Variants in CYSLTR1 observed in about 807,000 individuals in gnomAD.
The protein encoded by CYSLTR1 is G-protein coupled receptor HG55.
A neutral mutation model predicts 2.1 loss-of-function variants in CYSLTR1; 1 was observed. The observed-to-expected ratio is 0.48, with a 90% CI of 0.17 to 2.28. CYSLTR1 has a LOEUF of 2.28. Among genes scored for constraint, CYSLTR1 ranks in the 30% most tolerant of loss-of-function variants. CYSLTR1 has a pLI of 0.26. For synonymous variants in CYSLTR1, 110 were observed against 89.6 expected, an observed-to-expected ratio of 1.23 and a Z score of -1.28; for missense variants, 299 against 250.1, an observed-to-expected ratio of 1.20 and a Z score of -1.32.
intron 1 of CYSLTR1, among the ~76,000 whole-genome samples, chrX:78,297,814 C>A (rs1483591366): frequency 4.5e-5 from 5 of 111,242 alleles, no homozygotes; most frequent in African/African-American, 6.5e-5. Flanking sequence ...CTTAACTTTT[C>A]AAAAAACTGA....
intron 1 of CYSLTR1, among the ~76,000 whole-genome samples, chrX:78,285,329 G>A (rs1417591105): frequency 9.2e-6 from 1 of 108,725 alleles, no homozygotes; most frequent in Non-Finnish European, 1.9e-5. Context: ...GGCTGAGGCA[G>A]GAGAATGGCG....
intron 1 of CYSLTR1, among the ~76,000 whole-genome samples, chrX:78,324,653 A>G (rs1923802716): frequency 8.9e-6 from 1 of 112,256 alleles, no homozygotes; most frequent in Non-Finnish European, 1.9e-5. Context: ...GGCATGAGCC[A>G]CCACACCCAG....
At chrX:78,276,741 C>T (rs1461896713) in intron 2 of CYSLTR1, among the ~76,000 whole-genome samples, 1 of 110,858 alleles carries the variant, frequency 9.0e-6, no homozygotes, top group African/African-American at 3.3e-5. Context: ...GAAACAGCTT[C>T]TTCCACCAAA....
At chrX:78,312,700 A>G (rs2147271770) in intron 1 of CYSLTR1, among the ~76,000 whole-genome samples, 1 of 112,437 alleles carries the variant, frequency 8.9e-6, no homozygotes, top group South Asian at 3.6e-4. Context: ...CAAGCAACCA[A>G]CAAACATAAA....
chrX:78,293,776 A>G (rs1293192770), intron 1 of CYSLTR1, among the ~76,000 whole-genome samples: 1 of 111,862 alleles, frequency 8.9e-6, no homozygotes, highest in Non-Finnish European at 1.9e-5. Flanking sequence ...TGAATCAGCT[A>G]CTGATGCTTG....
rs755359768 is a variant in CYSLTR1, at chrX:78,294,006, T to A, written c.-114-10466A>T. Among the ~76,000 whole-genome samples the A allele has an allele frequency of 6.2e-5, 7 of 112,531 alleles. No homozygotes were observed. The South Asian group carries it at 2.6e-3, about 41-fold the overall frequency. On this transcript the variant is annotated intron_variant, in intron 1 of 2. Coordinates refer to ENST00000373304, the MANE Select transcript of CYSLTR1 (RefSeq NM_006639.4). The stretch of plus-strand genomic sequence containing the variant: ...CTCAACTTGTCAAAGTCATTCTCTG[T>A]CCAACTTTGTTCCATTGCTGGTGAG...
intron 2 of CYSLTR1, among the ~76,000 whole-genome samples, chrX:78,280,779 T>C (rs937922478): frequency 4.5e-5 from 5 of 111,442 alleles, no homozygotes; most frequent in Non-Finnish European, 9.4e-5. Flanking sequence ...TGTTCTCTTC[T>C]TTGTGTCCAT....
intron 1 of CYSLTR1, among the ~76,000 whole-genome samples, chrX:78,304,377 T>C (rs910647866): frequency 2.7e-5 from 3 of 111,337 alleles, no homozygotes; most frequent in African/African-American, 6.5e-5. Context: ...AAGTCCATCC[T>C]GCTTGATCGT....
At chrX:78,306,462 C>A (rs1275240237) in intron 1 of CYSLTR1, among the ~76,000 whole-genome samples, 3 of 111,729 alleles carry the variant, frequency 2.7e-5, no homozygotes, top group South Asian at 3.8e-4. Flanking sequence ...CTGCACCCAG[C>A]CTCCATTGAG....
chrX:78,296,025 C>G (rs1353916957), intron 1 of CYSLTR1, among the ~76,000 whole-genome samples: 1 of 111,468 alleles, frequency 9.0e-6, no homozygotes, highest in Non-Finnish European at 1.9e-5. Context: ...TAGTTTCAAG[C>G]TTGAGGCCTT....
chrX:78,319,559 G>A (rs1443026365), intron 1 of CYSLTR1: 5 of 110,301 alleles, frequency 4.5e-5, no homozygotes, highest in African/African-American at 1.6e-4. Flanking sequence ...ATTGTGAATA[G>A]TGCCACAATA....
At chrX:78,320,424 T>C (rs1379367948) in intron 1 of CYSLTR1, 1 of 111,465 alleles carries the variant, frequency 9.0e-6, no homozygotes, top group Non-Finnish European at 1.9e-5. Flanking sequence ...TAGTTGTAGA[T>C]ATGTGGCATT....
At chrX:78,295,796 ATCTCTTG>A (rs1160260213) in intron 1 of CYSLTR1, among the ~76,000 whole-genome samples, 2 of 111,475 alleles carry the variant, frequency 1.8e-5, no homozygotes, top group Non-Finnish European at 3.8e-5. Flanking sequence ...ATGGTTATAA[ATCTCTTG>A]TCATATGGGT....
chrX:78,325,896 A>G (rs1351832244), intron 1 of CYSLTR1, among the ~76,000 whole-genome samples: 1 of 112,157 alleles, frequency 8.9e-6, no homozygotes, highest in Non-Finnish European at 1.9e-5. Context: ...TGACAGATAA[A>G]TAGTTTCTAA....
chrX:78,272,201 G>A lies in CYSLTR1; in HGVS notation c.*532C>T, dbSNP rs1375042838. On this transcript the variant is annotated 3_prime_UTR_variant, in exon 3 of 3. Transcript: ENST00000373304. ...TTTACATTCTCTTTTGGAAGAAATG[G>A]CCCTAATTTGCCTAGCGAATCAGTA... is the stretch of plus-strand genomic sequence containing the variant. 9.0e-6 allele frequency: 1 copy of A among 111,613 alleles called. No individual in the cohort carries two copies. The highest frequency in any genetic ancestry group is 2.8e-4 in the East Asian group (1 of 3,605). 9.2% of individuals were successfully genotyped at this position (111,613 alleles called of 1,213,427 possible).
chrX:78,286,372 T>C (rs1223587983), intron 1 of CYSLTR1, among the ~76,000 whole-genome samples: 2 of 112,204 alleles, frequency 1.8e-5, no homozygotes, highest in Non-Finnish European at 3.8e-5. Context: ...TGAGTTGCTT[T>C]CAAGTTTTGA....
intron 1 of CYSLTR1, among the ~76,000 whole-genome samples, chrX:78,290,431 T>A (rs959561738): frequency 1.8e-5 from 2 of 111,927 alleles, no homozygotes; most frequent in Admixed American, 9.5e-5. Context: ...CTTAGGATTG[T>A]CTTGGCAATG....
intron 1 of CYSLTR1, among the ~76,000 whole-genome samples, chrX:78,314,431 C>T (rs752525928): frequency 4.8e-4 from 54 of 111,553 alleles, no homozygotes; most frequent in African/African-American, 1.8e-3. Flanking sequence ...CAACTAGCTA[C>T]AAAAAAATCA....
At chrX:78,302,374 G>A (rs1922855918) in intron 1 of CYSLTR1, among the ~76,000 whole-genome samples, 1 of 111,646 alleles carries the variant, frequency 9.0e-6, no homozygotes, top group Admixed American at 9.5e-5. Flanking sequence ...TTGTAATCAG[G>A]GAAACTTAAA....
Sources: gnomAD v4.1 joint callset for allele counts (sites outside exome capture counted in the v4.1 genomes callset) on GRCh38, gnomAD v4.1.1 for gene constraint, MANE v1.5 for transcripts, NCBI Gene and HGNC (gene_info 2026-07-23, HGNC 2026-07-21) for gene names.